The following ARHGAP21 variants were observed in gnomAD, a reference collection of about 807,000 sequenced individuals.
ARHGAP21 encodes the protein Rho GTPase activating protein 21.
ARHGAP21 carries 38 observed loss-of-function variants against 164.6 expected under a neutral mutation model. The ratio of observed to expected loss-of-function variants is 0.23; its 90% confidence interval spans 0.18 to 0.30. ARHGAP21 has a LOEUF of 0.30. Ranked by LOEUF, ARHGAP21 falls within the 10% of genes least tolerant of loss-of-function variation. The pLI is 1.00. For synonymous variants in ARHGAP21, 766 were observed against 857.9 expected, an observed-to-expected ratio of 0.89 and a Z score of 1.87; for missense variants, 1,822 against 2,370.7, an observed-to-expected ratio of 0.77 and a Z score of 4.81.
intron 2 of ARHGAP21, among the ~76,000 whole-genome samples, chr10:24,698,070 T>G (rs1180444232): frequency 6.6e-6 from 1 of 152,130 alleles, no homozygotes; most frequent in Admixed American, 6.5e-5. Flanking sequence ...CATTCTTTAA[T>G]GGACCTATTG....
rs549846704 is a variant in ARHGAP21, at chr10:24,612,681, C to T, written c.2423-4778G>A. On this transcript the variant is annotated intron_variant, in intron 9 of 25. Coordinates refer to ENST00000396432, the MANE Select transcript of ARHGAP21 (RefSeq NM_020824.4). ...CATCCTGGTTAATACGGTGAAACCC[C>T]GTCTCTACTAAAAATACAAAAAAAT... Among the ~76,000 whole-genome samples the T allele has an allele frequency of 1.4e-3, 214 of 151,848 alleles. 1 individual carries two copies. The highest frequency in any genetic ancestry group is 5.0e-3 in the African/African-American group (206 of 41,412).
chr10:24,584,221 A>AAT lies in ARHGAP21; in HGVS notation c.*189_*190dup, dbSNP rs35918968. ...TATACAACTATCCGATATATTTTTA[A>AAT]ATATATATATATATATATATGTTCT... On this transcript the variant is annotated 3_prime_UTR_variant, in exon 26 of 26. Transcript: ENST00000396432. 0.012 allele frequency: 2,637 copies of AAT among 229,004 alleles called. 16 individuals are homozygous for AAT. Among genetic ancestry groups the AAT allele is most frequent in the East Asian group, 0.029 (288 of 10,080 alleles). The allele number at this position is 229,004 out of a possible 1,614,324, so 14.2% of individuals were successfully genotyped here.
Position 24,703,506 on chromosome 10 carries a change from G to A in ARHGAP21, c.63+18331C>T, listed in dbSNP as rs1362612799. Among the ~76,000 whole-genome samples the A allele has an allele frequency of 2.0e-5, 3 of 152,240 alleles. No homozygotes were observed. The East Asian group carries it at 5.8e-4, about 29-fold the overall frequency. On this transcript the variant is annotated intron_variant, in intron 2 of 25. Transcript: ENST00000396432. ...AGCCATACCACTGCCACAGAGCCAG[G>A]AACAACTCCAGGCCTTGAATTCAGT... is the stretch of plus-strand genomic sequence containing the variant.
intron 2 of ARHGAP21, among the ~76,000 whole-genome samples, chr10:24,717,035 T>C (rs4748967): frequency 0.81 from 123,544 of 152,214 alleles, 50,309 homozygotes; most frequent in African/African-American, 0.88. Flanking sequence ...AATAGAGATA[T>C]ACACATGTAC....
At chr10:24,600,270 C>T (rs1429444093) in intron 14 of ARHGAP21, among the ~76,000 whole-genome samples, 2 of 151,926 alleles carry the variant, frequency 1.3e-5, no homozygotes, top group African/African-American at 4.8e-5. Context: ...TATCACTCTG[C>T]ATTTATATAG....
At chr10:24,686,609 A>T (rs1324300504) in intron 2 of ARHGAP21, among the ~76,000 whole-genome samples, 1 of 151,900 alleles carries the variant, frequency 6.6e-6, no homozygotes, top group Non-Finnish European at 1.5e-5. Flanking sequence ...AAAATATAAA[A>T]CTCCCCAATA....
chr10:24,713,651 T>G (rs1319048134), intron 2 of ARHGAP21, among the ~76,000 whole-genome samples: 5 of 151,752 alleles, frequency 3.3e-5, no homozygotes, highest in South Asian at 2.1e-4. Flanking sequence ...TTTTTTTTTT[T>G]TTAAGTGATG....
intron 4 of ARHGAP21, among the ~76,000 whole-genome samples, chr10:24,657,640 C>T (rs1351571848): frequency 9.6e-5 from 12 of 124,866 alleles, no homozygotes; most frequent in African/African-American, 3.3e-4. Context: ...ATTGAGAAAC[C>T]GGATGGTTGC....
At chr10:24,596,086 T>C (rs1317456001) in intron 17 of ARHGAP21, 43 bp from the exon 18 acceptor site, 3 of 1,496,618 alleles carry the variant, frequency 2.0e-6, no homozygotes, top group Non-Finnish European at 2.7e-6. Context: ...GCAGCACAAA[T>C]GTTTAGTAGT....
rs1845987434 is a variant in ARHGAP21, at chr10:24,722,048, T to C, written c.-149A>G. 1 of 805,900 alleles carries C rather than the reference T, an allele frequency of 1.2e-6. No homozygotes were observed. Among genetic ancestry groups the C allele is most frequent in the African/African-American group, 1.7e-5 (1 of 58,144 alleles). 49.9% of individuals were successfully genotyped at this position (805,900 alleles called of 1,614,324 possible). On this transcript the variant is annotated 5_prime_UTR_variant, in exon 2 of 26. Coordinates refer to ENST00000396432, the MANE Select transcript of ARHGAP21 (RefSeq NM_020824.4). The stretch of plus-strand genomic sequence containing the variant: ...TTGAAACAGACAACGTGCCAGGGAA[T>C]AAAGGTTTTCAGGAAGCGCCTTCAA...
At chr10:24,616,556 TA>T (rs1833966741) in intron 9 of ARHGAP21, among the ~76,000 whole-genome samples, 1 of 152,232 alleles carries the variant, frequency 6.6e-6, no homozygotes, top group Admixed American at 6.5e-5. Flanking sequence ...AACTTAGGGC[TA>T]ACCCTCAACT....
intron 2 of ARHGAP21, among the ~76,000 whole-genome samples, chr10:24,714,078 C>T (rs1845124727): frequency 6.6e-6 from 1 of 152,098 alleles, no homozygotes; most frequent in Non-Finnish European, 1.5e-5. Context: ...TCTTTAAGTC[C>T]AATAACCTTT....
chr10:24,659,062 T>A (rs1216835992), intron 4 of ARHGAP21, among the ~76,000 whole-genome samples: 2 of 152,284 alleles, frequency 1.3e-5, no homozygotes, highest in South Asian at 4.1e-4. Context: ...TGTACAGAAA[T>A]TAGAACCCTC....
chr10:24,702,364 C>T (rs1201328032), intron 2 of ARHGAP21, among the ~76,000 whole-genome samples: 2 of 151,908 alleles, frequency 1.3e-5, no homozygotes, highest in African/African-American at 2.4e-5. Flanking sequence ...ATCTCCTGAC[C>T]TCGTGATCCG....
chr10:24,706,223 T>C (rs571290418), intron 2 of ARHGAP21, among the ~76,000 whole-genome samples: 13 of 152,342 alleles, frequency 8.5e-5, no homozygotes, highest in African/African-American at 3.1e-4. Flanking sequence ...GCTTTAATTG[T>C]TGGCCACTTT....
intron 2 of ARHGAP21, among the ~76,000 whole-genome samples, chr10:24,697,831 G>T (rs1435185799): frequency 6.6e-6 from 1 of 151,856 alleles, no homozygotes; most frequent in Non-Finnish European, 1.5e-5. Flanking sequence ...CTGCACTCCA[G>T]CCTGGGCGAC....
At chr10:24,628,967 TA>T (rs1835512994) in intron 7 of ARHGAP21, 8 of 16,628 alleles carry the variant, frequency 4.8e-4, no homozygotes, top group African/African-American at 2.0e-3. Flanking sequence ...TATATATATA[TA>T]TATATATATA....
chr10:24,703,246 T>C (rs978670713), intron 2 of ARHGAP21, among the ~76,000 whole-genome samples: 2 of 152,240 alleles, frequency 1.3e-5, no homozygotes, highest in African/African-American at 4.8e-5. Flanking sequence ...CATGCATTTG[T>C]AATTTTTAAA....
intron 7 of ARHGAP21, among the ~76,000 whole-genome samples, chr10:24,626,957 T>G (rs185133130): frequency 6.6e-6 from 1 of 152,330 alleles, no homozygotes; most frequent in Non-Finnish European, 1.5e-5. Flanking sequence ...ATAAATGAAT[T>G]ATTCTTAATT....
Sources: allele counts gnomAD v4.1 joint callset (sites outside exome capture counted in the v4.1 genomes callset), GRCh38; gene constraint gnomAD v4.1.1; transcripts MANE v1.5; gene names NCBI Gene and HGNC (gene_info 2026-07-23, HGNC 2026-07-21).